The following CARMIL1 variants were observed in gnomAD, a reference collection of about 807,000 sequenced individuals.
The protein encoded by CARMIL1 is F-actin-uncapping protein LRRC16A.
Under a neutral mutation model 177.1 loss-of-function variants are expected in CARMIL1, and 90 were observed. That is an observed-to-expected ratio of 0.51 (90% confidence interval 0.43 to 0.61). The LOEUF is 0.61. CARMIL1 is among the 20% of genes least tolerant of loss of function. CARMIL1 has a pLI of 0.00. For synonymous variants in CARMIL1, 577 were observed against 606.2 expected, an observed-to-expected ratio of 0.95 and a Z score of 0.71; for missense variants, 1,380 against 1,667.0, an observed-to-expected ratio of 0.83 and a Z score of 3.00.
chr6:25,576,198 CAATGGAATTTT>C (rs936559378), intron 29 of CARMIL1, among the ~76,000 whole-genome samples: 1 of 151,450 alleles, frequency 6.6e-6, no homozygotes, highest in African/African-American at 2.4e-5. Context: ...TAATGATGAC[CAATGGAATTTT>C]AAGAATTATT....
rs767612276 is a variant in CARMIL1, at chr6:25,509,616, A to T, written c.1396-40A>T. Reference sequence around the variant, plus strand: ...AATTTTTTGATTACATCTCCAGTAGAGTGAAGACTTTACTTTGTGTTTGGT... The same window carrying T: ...AATTTTTTGATTACATCTCCAGTAGTGTGAAGACTTTACTTTGTGTTTGGT... On this transcript the variant is annotated intron_variant, in intron 17 of 36. Coordinates refer to ENST00000329474, the MANE Select transcript of CARMIL1 (RefSeq NM_017640.6). This position sits in a 1 kb window ranked among gnomAD's most constrained non-coding sequence, Gnocchi z 4.1. The T allele has an allele frequency of 7.6e-7, 1 of 1,319,768 alleles. No individual in the cohort carries two copies. Among genetic ancestry groups the T allele is most frequent in the Admixed American group, 1.9e-5 (1 of 52,850 alleles). The allele number at this position is 1,319,768 out of a possible 1,614,324, so 81.8% of individuals were successfully genotyped here. A position where few individuals can be genotyped will look rare whatever the true frequency, so the allele number is the denominator to read the frequency against.
intron 31 of CARMIL1, among the ~76,000 whole-genome samples, chr6:25,582,318 T>G (rs192157534): frequency 6.6e-6 from 1 of 152,200 alleles, no homozygotes; most frequent in African/African-American, 2.4e-5. Context: ...TCTTTTCTTT[T>G]CCACTCACCT....
chr6:25,572,369 G>A (rs1006765977), intron 29 of CARMIL1, among the ~76,000 whole-genome samples: 36 of 152,142 alleles, frequency 2.4e-4, no homozygotes, highest in African/African-American at 7.7e-4. Context: ...AAGGGTGGGT[G>A]TATGTATTTG....
intron 2 of CARMIL1, among the ~76,000 whole-genome samples, chr6:25,384,986 A>G (rs933769295): frequency 1.3e-5 from 2 of 152,168 alleles, no homozygotes; most frequent in Admixed American, 6.5e-5. Flanking sequence ...TCGAGTACCT[A>G]TTATGTGCTG....
At chr6:25,604,789 G>A in intron 33 of CARMIL1, 23 bp from the exon 34 acceptor site, 1 of 1,552,358 alleles carries the variant, frequency 6.4e-7, no homozygotes, top group Non-Finnish European at 8.7e-7. Flanking sequence ...ACTTTTTGGG[G>A]GGATGGTGCT....
At position 25,538,097 on chromosome 6, in the gene CARMIL1, CAAGTGGCA is replaced by C. The variant is rs1808490777; in HGVS notation, c.2196+120_2196+127del. On this transcript the variant is annotated intron_variant, in intron 25 of 36. Transcript: ENST00000329474. ...CTCTACCCAATTCCAAGTTTACTAA[CAAGTGGCA>C]AAGTGAACTGAATTAGCCTTGACCT... is the stretch of plus-strand genomic sequence containing the variant. 51 of 1,192,614 alleles carry C rather than the reference CAAGTGGCA, an allele frequency of 4.3e-5. No individual in the cohort carries two copies. The East Asian group carries it at 1.3e-3, about 30-fold the overall frequency. 73.9% of individuals were successfully genotyped at this position (1,192,614 alleles called of 1,614,324 possible).
chr6:25,293,001 G>A (rs1224081852), intron 2 of CARMIL1, among the ~76,000 whole-genome samples: 1 of 151,962 alleles, frequency 6.6e-6, no homozygotes, highest in East Asian at 1.9e-4. Context: ...CATTGGAAAC[G>A]CTGTTAATAT....
intron 2 of CARMIL1, among the ~76,000 whole-genome samples, chr6:25,409,333 A>G (rs1375735162): frequency 6.6e-6 from 1 of 152,186 alleles, no homozygotes; most frequent in Non-Finnish European, 1.5e-5. Flanking sequence ...TCAGAGCTAT[A>G]TTCTATAAGT....
intron 20 of CARMIL1, among the ~76,000 whole-genome samples, chr6:25,514,029 A>T (rs917444941): frequency 2.0e-5 from 3 of 152,206 alleles, no homozygotes; most frequent in Non-Finnish European, 4.4e-5. Context: ...AGGAATGCAA[A>T]CTCAAATGCC....
At chr6:25,302,872 A>G (rs12055697) in intron 2 of CARMIL1, among the ~76,000 whole-genome samples, 27,875 of 152,094 alleles carry the variant, frequency 0.18, 3,664 homozygotes, top group East Asian at 0.4. Context: ...ACTACACTCA[A>G]TGACTAACCC....
chr6:25,352,745 G>C (rs914553443), intron 2 of CARMIL1, among the ~76,000 whole-genome samples: 3 of 152,060 alleles, frequency 2.0e-5, no homozygotes, highest in African/African-American at 7.3e-5. Flanking sequence ...TACTTTGCTT[G>C]GCAGTGACTT....
At chr6:25,538,938 A>G (rs1233333901) in intron 25 of CARMIL1, among the ~76,000 whole-genome samples, 1 of 152,090 alleles carries the variant, frequency 6.6e-6, no homozygotes, top group African/African-American at 2.4e-5. Context: ...TAAAATCTCT[A>G]AACAGTAGGC....
intron 2 of CARMIL1, among the ~76,000 whole-genome samples, chr6:25,396,548 G>A (rs1032922504): frequency 3.7e-4 from 57 of 152,014 alleles, no homozygotes; most frequent in African/African-American, 1.4e-3. Context: ...TTTTAGTAGA[G>A]ACGGGGTTTC....
chr6:25,351,278 A>G (rs371018013), intron 2 of CARMIL1, among the ~76,000 whole-genome samples: 11 of 152,200 alleles, frequency 7.2e-5, no homozygotes, highest in African/African-American at 2.7e-4. Context: ...TGCTTAAAGG[A>G]TAATGTTTTG....
chr6:25,328,821 T>A (rs533568183), intron 2 of CARMIL1, among the ~76,000 whole-genome samples: 90 of 143,224 alleles, frequency 6.3e-4, no homozygotes, highest in Non-Finnish European at 1.1e-3. Context: ...ATTAAAAATT[T>A]AAAAAAAATG....
rs1185105289 is a variant in CARMIL1 at position 25,550,979 on chromosome 6, C to T, written c.2398C>T (p.Arg800Ter). 5 of 1,613,352 alleles carry T rather than the reference C, an allele frequency of 3.1e-6. No individual in the cohort carries two copies. Among genetic ancestry groups the T allele is most frequent in the South Asian group, 1.1e-5 (1 of 91,054 alleles). ...CAATGTGATGAAAAAAGCCCACATTCGACAAGACTTGATTCATGCCAGCAC... is the reference window on the plus strand; with the variant it reads ...CAATGTGATGAAAAAAGCCCACATTTGACAAGACTTGATTCATGCCAGCAC... ...CPNVMKKAHI[R>*]QDLIHASTEK... The change falls in exon 27 of 37, where the codon CGA becomes TGA. Residue 800 changes from arginine to a stop codon, truncating the protein, a stop_gained. Transcript: ENST00000329474. LOFTEE classifies it high-confidence loss of function.
At chr6:25,392,612 G>C (rs2150544021) in intron 2 of CARMIL1, among the ~76,000 whole-genome samples, 1 of 152,204 alleles carries the variant, frequency 6.6e-6, no homozygotes, top group East Asian at 1.9e-4. Context: ...GCTCAGATCT[G>C]TGTAACTGAA....
At chr6:25,434,518 ATTTTTT>A (rs5875039) in intron 4 of CARMIL1, among the ~76,000 whole-genome samples, 3 of 101,706 alleles carry the variant, frequency 2.9e-5, no homozygotes, top group African/African-American at 1.1e-4. Context: ...GCTCAAAACC[ATTTTTT>A]TTTTTTTTTT....
intron 8 of CARMIL1, chr6:25,451,992 C>CT (rs1798984247): frequency 1.3e-4 from 10 of 76,166 alleles, no homozygotes; most frequent in South Asian, 2.4e-4. Flanking sequence ...TCTTGCCCCC[C>CT]CCTCCCCCCC....
Sources: gnomAD v4.1 joint callset for allele counts (sites outside exome capture counted in the v4.1 genomes callset) on GRCh38, gnomAD v4.1.1 for gene constraint, Gnocchi (gnomAD v3.1) non-coding constraint, MANE v1.5 for transcripts, NCBI Gene and HGNC (gene_info 2026-07-23, HGNC 2026-07-21) for gene names.